RMI1: variants seen among roughly 807,000 people sequenced by gnomAD.
RMI1 encodes recQ-mediated genome instability protein 1.
RMI1 carries 36 observed loss-of-function variants against 46.7 expected under a neutral mutation model. The ratio of observed to expected loss-of-function variants is 0.77; its 90% CI spans 0.59 to 1.02. RMI1 has a LOEUF of 1.02. RMI1 is among the 50% of genes least tolerant of loss of function. RMI1 has a pLI of 0.00. For synonymous variants in RMI1, 250 were observed against 252.9 expected (o/e 0.99, Z 0.11); for missense variants, 676 against 713.7 (o/e 0.95, Z 0.60).
At chr9:83,990,438 A>G (rs1222245794) in intron 1 of RMI1, among the ~76,000 whole-genome samples, 1 of 151,106 alleles carries the variant, frequency 6.6e-6, no homozygotes, top group Non-Finnish European at 1.5e-5. Context: ...TGAAGTCAGG[A>G]GGCGGAGGTT....
chr9:83,984,395 G>A (rs1022807470), intron 1 of RMI1, among the ~76,000 whole-genome samples: 4 of 137,514 alleles, frequency 2.9e-5, no homozygotes, highest in Non-Finnish European at 4.7e-5. Context: ...TCAGCCTCCC[G>A]AGTAGCTGGG....
chr9:84,002,444 G>A lies in RMI1; in HGVS notation c.1458G>A (p.Leu486=). 6.2e-7 allele frequency: 1 copy of A among 1,613,842 alleles called. No homozygotes were observed. Among genetic ancestry groups the A allele is most frequent in the African/African-American group, 1.3e-5 (1 of 75,028 alleles). The change falls in exon 3 of 3, where the codon TTG becomes TTA. Residue 486 remains leucine (L), a synonymous_variant. Transcript: ENST00000445877. ...TTAATCTTTCTATTGCCATGGATTT[G>A]TATTCTCCACCCTTTGTCTATTTGT... The part of the protein sequence containing the change: ...NSINLSIAMD[L]YSPPFVYLSV...
chr9:84,002,132 G>T lies in RMI1; in HGVS notation c.1146G>T (p.Met382Ile). The T allele has an allele frequency of 6.2e-7, 1 of 1,613,676 alleles. No homozygotes were observed. The highest frequency in any genetic ancestry group is 1.1e-5 in the South Asian group (1 of 91,020). ...GTGAAAAAAATGTATCTGAACAAAT[G>T]ACTAATGAAGACAAATCATTTGGTT... The part of the protein sequence containing the change: ...NWSEKNVSEQ[M>I]TNEDKSFGCP... Residue 382 changes from methionine (M) to isoleucine (I), a missense_variant, in exon 3 of 3, where the codon ATG becomes ATT. Transcript: ENST00000445877.
rs774652972 is a variant in RMI1 at position 84,001,976 on chromosome 9, G to A, written c.990G>A (p.Gln330=). ...LLLEETVQKE[Q]METKELQPLT... ...TAGAAGAAACTGTCCAGAAAGAACAGATGGAAACTAAGGAATTGCAACCAT... is the reference window on the plus strand; with the variant it reads ...TAGAAGAAACTGTCCAGAAAGAACAAATGGAAACTAAGGAATTGCAACCAT... The change falls in exon 3 of 3, where the codon CAG becomes CAA. Residue 330 remains glutamine (Q), a synonymous_variant. Coordinates refer to ENST00000445877, the MANE Select transcript of RMI1 (RefSeq NM_001358291.2). 31 of 1,613,678 alleles carry A rather than the reference G, an allele frequency of 1.9e-5. No individual in the cohort carries two copies. Among genetic ancestry groups the A allele is most frequent in the Non-Finnish European group, 2.5e-5 (30 of 1,179,872 alleles).
chr9:83,984,343 C>CACTGCA (rs1198821056), intron 1 of RMI1, among the ~76,000 whole-genome samples: 10 of 150,850 alleles, frequency 6.6e-5, no homozygotes, highest in African/African-American at 2.4e-4. Flanking sequence ...AATCTCGGCT[C>CACTGCA]ACTGCAACCT....
upstream of RMI1, chr9:83,980,608 CCTT>C (rs1182803845): frequency 4.6e-5 from 7 of 153,180 alleles, no homozygotes; most frequent in Admixed American, 4.6e-4. Context: ...GCGCCCTCCT[CCTT>C]TCTCGTTCGC....
intron 1 of RMI1, among the ~76,000 whole-genome samples, chr9:83,991,275 C>T (rs1353568240): frequency 6.6e-6 from 1 of 150,712 alleles, no homozygotes; most frequent in African/African-American, 2.4e-5. Flanking sequence ...TTCTTTTATG[C>T]ATCATGGATC....
Position 84,002,296 on chromosome 9 carries a change from C to A in RMI1, c.1310C>A (p.Ser437Tyr). The A allele has an allele frequency of 6.2e-7, 1 of 1,600,622 alleles. No individual in the cohort carries two copies. Among genetic ancestry groups the A allele is most frequent in the South Asian group, 1.1e-5 (1 of 90,238 alleles). Residue 437 changes from serine to tyrosine, a missense_variant, in exon 3 of 3, where the codon TCC (serine) becomes TAC (tyrosine). Ser to Tyr is a moderately radical substitution (Grantham distance 144). Coordinates refer to ENST00000445877, the MANE Select transcript of RMI1 (RefSeq NM_001358291.2). ...CAAACCAGCAGTTCAGATAGCCATT[C>A]CTTAAATAATAAAATATTAAATAGA... Reference protein sequence around the residue: ...IKQTSSSDSHSLNNKILNREV... With the variant: ...IKQTSSSDSHYLNNKILNREV...
chr9:83,988,917 T>C (rs1957529748), intron 1 of RMI1, among the ~76,000 whole-genome samples: 1 of 152,088 alleles, frequency 6.6e-6, no homozygotes, highest in African/African-American at 2.4e-5. Context: ...AATGCAGTGG[T>C]GTGACCTTGG....
At chr9:83,991,843 ATGTT>A (rs1355755567) in intron 1 of RMI1, among the ~76,000 whole-genome samples, 1 of 152,142 alleles carries the variant, frequency 6.6e-6, no homozygotes, top group African/African-American at 2.4e-5. Flanking sequence ...ATTTTCCAGT[ATGTT>A]AATCCTTTTG....
intron 1 of RMI1, among the ~76,000 whole-genome samples, chr9:83,997,589 GCTT>G (rs1487618549): frequency 4.0e-5 from 6 of 151,882 alleles, no homozygotes; most frequent in African/African-American, 4.8e-5. Flanking sequence ...TGGCATAGGG[GCTT>G]CTTCTCCTCG....
At chr9:83,994,725 C>T (rs1231003187) in intron 1 of RMI1, among the ~76,000 whole-genome samples, 1 of 151,908 alleles carries the variant, frequency 6.6e-6, no homozygotes, top group Non-Finnish European at 1.5e-5. Context: ...TGTCATGTTG[C>T]CCAAGCTGGT....
chr9:83,991,145 A>G (rs531852438), intron 1 of RMI1, among the ~76,000 whole-genome samples: 2 of 152,156 alleles, frequency 1.3e-5, no homozygotes, highest in South Asian at 4.1e-4. Context: ...AATTCTTTGG[A>G]TATTCAGGAT....
chr9:83,991,492 AT>A (rs1180402649), intron 1 of RMI1, among the ~76,000 whole-genome samples: 1 of 151,868 alleles, frequency 6.6e-6, no homozygotes, highest in Non-Finnish European at 1.5e-5. Flanking sequence ...TGTTTTAAAA[AT>A]TTTTTGTAGA....
intron 1 of RMI1, among the ~76,000 whole-genome samples, chr9:83,995,085 C>T (rs993484104): frequency 8.5e-5 from 13 of 152,058 alleles, no homozygotes; most frequent in Non-Finnish European, 1.3e-4. Flanking sequence ...CCACAACCTC[C>T]GCCTCCCAGA....
chr9:83,981,153 G>C (rs1957379097), intron 1 of RMI1: 1 of 152,428 alleles, frequency 6.6e-6, no homozygotes, highest in Admixed American at 6.5e-5. Context: ...CGGGAGCCGG[G>C]GAAACGCGGG....
chr9:83,995,427 T>C (rs985877035), intron 1 of RMI1, among the ~76,000 whole-genome samples: 6 of 150,956 alleles, frequency 4.0e-5, no homozygotes, highest in Admixed American at 2.0e-4. Context: ...GTAATATCTT[T>C]TTTTTTTTTT....
chr9:83,987,027 C>G (rs1230698374), intron 1 of RMI1, among the ~76,000 whole-genome samples: 1 of 152,186 alleles, frequency 6.6e-6, no homozygotes, highest in East Asian at 1.9e-4. Flanking sequence ...ATTGGTGCAA[C>G]TAAGAGCCAT....
At position 83,999,702 on chromosome 9, in the gene RMI1, C is replaced by T. The variant is rs1439012725; in HGVS notation, c.-125-7C>T. ...TAACTCTTACTGCTTTTTGTCTTAT[C>T]TCCCAGGGCCATTTCTGAGCAGTGG... On this transcript the variant is annotated splice_region_variant and splice_polypyrimidine_tract_variant and intron_variant, in intron 1 of 2. Coordinates refer to ENST00000445877, the MANE Select transcript of RMI1 (RefSeq NM_001358291.2). The T allele has an allele frequency of 6.6e-6, 1 of 152,176 alleles. No homozygotes were observed. The allele number at this position is 152,176 out of a possible 1,614,324, so 9.4% of individuals were successfully genotyped here.
Sources: gnomAD v4.1 joint callset for allele counts (sites outside exome capture counted in the v4.1 genomes callset) on GRCh38, gnomAD v4.1.1 for gene constraint, MANE v1.5 for transcripts, NCBI Gene and HGNC (gene_info 2026-07-23, HGNC 2026-07-21) for gene names.